The following DECR1 variants were observed in gnomAD, a reference collection of about 807,000 sequenced individuals.
DECR1 encodes 2,4-dienoyl-CoA reductase [(3E)-enoyl-CoA-producing], mitochondrial.
Under a neutral mutation model 38.8 loss-of-function variants are expected in DECR1, and 44 were observed. The ratio of observed to expected loss-of-function variants is 1.13; its 90% confidence interval spans 0.89 to 1.46. The LOEUF (loss-of-function observed/expected upper bound fraction) is 1.46, where lower values mean the gene tolerates loss of function less well. Ranked by LOEUF, DECR1 falls within the 40% of genes most tolerant of loss-of-function variation. DECR1 has a pLI of 0.00. For missense variants in DECR1, 428 were observed against 405.5 expected (o/e 1.06, Z -0.48); for synonymous variants, 148 against 135.2 (o/e 1.09, Z -0.66).
chr8:90,050,162 C>T (rs554854010), intron 8 of DECR1, among the ~76,000 whole-genome samples: 1 of 152,250 alleles, frequency 6.6e-6, no homozygotes, highest in East Asian at 1.9e-4. Flanking sequence ...GCCACAAAAG[C>T]CAAAATAGAC....
At chr8:90,051,038 C>T (rs754747614) in intron 8 of DECR1, among the ~76,000 whole-genome samples, 7 of 151,596 alleles carry the variant, frequency 4.6e-5, no homozygotes, top group East Asian at 1.9e-4. Context: ...GTGGGAGGAG[C>T]GGGGAGGGAT....
chr8:90,039,788 A>G (rs984722544), intron 6 of DECR1, among the ~76,000 whole-genome samples: 1 of 152,170 alleles, frequency 6.6e-6, no homozygotes, highest in Non-Finnish European at 1.5e-5. Context: ...TCATTATATA[A>G]CCAGGCTCAC....
At position 90,018,812 on chromosome 8, in the gene DECR1, T is replaced by C. The variant is rs540780043; in HGVS notation, c.273-97T>C. On this transcript the variant is annotated intron_variant, in intron 2 of 9. Coordinates refer to ENST00000220764, the MANE Select transcript of DECR1 (RefSeq NM_001359.2). The stretch of plus-strand genomic sequence containing the variant: ...GTATATAAATAACATCTATACTTTC[T>C]CAGAAATGCTTTTCTTTAAGCTATG... 1.9e-5 allele frequency: 18 copies of C among 970,218 alleles called. No individual in the cohort carries two copies. In the East Asian group the frequency reaches 3.9e-4, roughly 21 times the overall value. 60.1% of individuals were successfully genotyped at this position (970,218 alleles called of 1,614,324 possible).
intron 8 of DECR1, among the ~76,000 whole-genome samples, chr8:90,045,796 T>A (rs975882538): frequency 5.3e-5 from 8 of 152,186 alleles, no homozygotes; most frequent in Non-Finnish European, 1.0e-4. Flanking sequence ...AGGGGCCAAC[T>A]GACACCTCAT....
chr8:90,019,833 A>G (rs1457275851), intron 4 of DECR1, among the ~76,000 whole-genome samples: 1 of 152,254 alleles, frequency 6.6e-6, no homozygotes, highest in East Asian at 1.9e-4. Context: ...GAAGACTGCT[A>G]CACAACTTCC....
chr8:90,047,263 T>C (rs1462075861), intron 8 of DECR1, among the ~76,000 whole-genome samples: 1 of 152,056 alleles, frequency 6.6e-6, no homozygotes, highest in Non-Finnish European at 1.5e-5. Context: ...TCAAGACCCA[T>C]CAGTGTGCTG....
intron 5 of DECR1, among the ~76,000 whole-genome samples, chr8:90,025,765 A>G (rs541789774): frequency 6.6e-6 from 1 of 152,266 alleles, no homozygotes; most frequent in South Asian, 2.1e-4. Context: ...TATGTTGAAT[A>G]GGAGTGGTGA....
intron 6 of DECR1, among the ~76,000 whole-genome samples, chr8:90,041,984 A>G (rs1563652780): frequency 6.6e-6 from 1 of 152,184 alleles, no homozygotes; most frequent in East Asian, 1.9e-4. Context: ...ATATGAATGT[A>G]AATTCCTAAA....
chr8:90,041,302 C>T (rs983009621), intron 6 of DECR1, among the ~76,000 whole-genome samples: 6 of 152,110 alleles, frequency 3.9e-5, no homozygotes, highest in African/African-American at 1.4e-4. Flanking sequence ...ATCCTTCCCC[C>T]ACTTTTTGAT....
intron 5 of DECR1, among the ~76,000 whole-genome samples, chr8:90,025,196 G>A (rs1813297987): frequency 6.6e-6 from 1 of 152,100 alleles, no homozygotes; most frequent in Non-Finnish European, 1.5e-5. Flanking sequence ...GATTGTCTTG[G>A]CAATGTGGGC....
intron 6 of DECR1, among the ~76,000 whole-genome samples, chr8:90,037,984 C>T (rs1813654846): frequency 6.6e-6 from 1 of 152,146 alleles, no homozygotes; most frequent in Non-Finnish European, 1.5e-5. Context: ...TCCTGTCACT[C>T]TTTGGAATAA....
chr8:90,027,506 T>C (rs1399871582), intron 5 of DECR1, among the ~76,000 whole-genome samples: 1 of 152,162 alleles, frequency 6.6e-6, no homozygotes, highest in Non-Finnish European at 1.5e-5. Flanking sequence ...TCTTTGTTGG[T>C]TTAAAGTCTG....
At chr8:90,017,372 T>C (rs766345575) in intron 2 of DECR1, 46 bp downstream of exon 2, 7 of 1,505,280 alleles carry the variant, frequency 4.7e-6, no homozygotes, top group South Asian at 3.5e-5. Context: ...TTGAAGAAAC[T>C]GTTCTGTGCC....
chr8:90,044,929 T>C lies in DECR1; in HGVS notation c.819T>C (p.Thr273=). 1.2e-6 allele frequency: 2 copies of C among 1,613,948 alleles called. No homozygotes were observed. Among genetic ancestry groups the C allele is most frequent in the Non-Finnish European group, 1.7e-6 (2 of 1,179,862 alleles). ...IGRIPCGRLG[T]VEELANLAAF... is the part of the protein sequence containing the mutation. ...GAATTCCCTGTGGTCGCCTGGGGAC[T>C]GTAGAAGAACTCGCAAATCTTGCTG... The change falls in exon 8 of 10, where the codon ACT becomes ACC. Residue 273 remains threonine (T), a synonymous_variant. Coordinates refer to ENST00000220764, the MANE Select transcript of DECR1 (RefSeq NM_001359.2).
Position 90,052,105 on chromosome 8 carries a change from AG to A in DECR1, c.*210del. On this transcript the variant is annotated 3_prime_UTR_variant, in exon 10 of 10. Coordinates refer to ENST00000220764, the MANE Select transcript of DECR1 (RefSeq NM_001359.2). ...CCTTCAAAACATTAAAAAAAAAAAA[AG>A]GAGGCATGGGGAGAGTAGGTAAAGG... 2.0e-6 allele frequency: 1 copy of A among 501,646 alleles called. No homozygotes were observed. Among genetic ancestry groups the A allele is most frequent in the Non-Finnish European group, 3.5e-6 (1 of 288,296 alleles). The allele number at this position is 501,646 out of a possible 1,614,324, so 31.1% of individuals were successfully genotyped here.
intron 6 of DECR1, among the ~76,000 whole-genome samples, chr8:90,041,821 G>A (rs902092011): frequency 1.3e-5 from 2 of 151,908 alleles, no homozygotes; most frequent in Non-Finnish European, 2.9e-5. Flanking sequence ...GTTATATTTC[G>A]TTATCCTGGC....
At chr8:90,038,984 G>T (rs941431072) in intron 6 of DECR1, among the ~76,000 whole-genome samples, 4 of 152,156 alleles carry the variant, frequency 2.6e-5, no homozygotes, top group African/African-American at 9.7e-5. Context: ...TCTTGTTAGA[G>T]CTTTTTATCT....
At chr8:90,026,612 C>G (rs140005479) in intron 5 of DECR1, among the ~76,000 whole-genome samples, 6,400 of 152,176 alleles carry the variant, frequency 0.042, 282 homozygotes, top group East Asian at 0.19. Flanking sequence ...ATTCTTCTCT[C>G]TTTTCTTCTT....
intron 5 of DECR1, among the ~76,000 whole-genome samples, chr8:90,027,345 G>T (rs1454711288): frequency 1.3e-5 from 2 of 152,140 alleles, no homozygotes; most frequent in Non-Finnish European, 2.9e-5. Flanking sequence ...CATTATTATT[G>T]TGTGGGCGTC....
Sources: allele counts gnomAD v4.1 joint callset (sites outside exome capture counted in the v4.1 genomes callset), GRCh38; gene constraint gnomAD v4.1.1; transcripts MANE v1.5; gene names NCBI Gene and HGNC (gene_info 2026-07-23, HGNC 2026-07-21).